Variants in HPSE observed in about 807,000 individuals in gnomAD.
HPSE encodes the protein heparanase, also known as endo-glucoronidase.
HPSE carries 48 observed loss-of-function variants against 65.1 expected under a neutral mutation model. The observed-to-expected ratio is 0.74, with a 90% CI of 0.58 to 0.94. The LOEUF (loss-of-function observed/expected upper bound fraction) is 0.94, where lower values mean the gene tolerates loss of function less well. Ranked by LOEUF, HPSE falls within the 40% of genes least tolerant of loss-of-function variation. HPSE has a pLI of 0.00. For missense variants in HPSE, 644 were observed against 637.5 expected (o/e 1.01, Z -0.11); for synonymous variants, 243 against 260.0 (o/e 0.93, Z 0.63).
chr4:83,330,124 A>C (rs1737307980), intron 1 of HPSE, among the ~76,000 whole-genome samples: 1 of 152,256 alleles, frequency 6.6e-6, no homozygotes, highest in South Asian at 2.1e-4. Context: ...ACAAGTCAAA[A>C]GGGACTTGAA....
intron 11 of HPSE, among the ~76,000 whole-genome samples, chr4:83,298,975 A>C (rs1338930675): frequency 1.3e-5 from 2 of 152,174 alleles, no homozygotes; most frequent in African/African-American, 2.4e-5. Context: ...AGAAGAGTGT[A>C]AGTAATATAT....
At chr4:83,309,719 G>A (rs1170186946) in intron 6 of HPSE, among the ~76,000 whole-genome samples, 1 of 152,076 alleles carries the variant, frequency 6.6e-6, no homozygotes, top group African/African-American at 2.4e-5. Flanking sequence ...AAAACACAGT[G>A]GCAAGTACAT....
In HPSE at chr4:83,324,113, C is replaced by CTTTTTTTTTTT. The variant is rs398051210; in HGVS notation, c.228-1760_228-1750dup. Among the ~76,000 whole-genome samples the CTTTTTTTTTTT allele has an allele frequency of 1.9e-3, 142 of 74,742 alleles. 1 individual carries two copies. The highest frequency in any genetic ancestry group is 2.4e-3 in the Non-Finnish European group (100 of 41,386). The allele number at this position is 74,742 out of a possible 152,430, so 49.0% of individuals were successfully genotyped here. On this transcript the variant is annotated intron_variant, in intron 1 of 11. Coordinates refer to ENST00000311412, the MANE Select transcript of HPSE (RefSeq NM_001098540.3). ...CTGATTGCCAATACTTCTTCTTCTT[C>CTTTTTTTTTTT]TTTTTTTTTTTTTTTTTTTTTTTTT...
In HPSE at chr4:83,300,955, C is replaced by T. The variant is rs549955123; in HGVS notation, c.1472+5G>A. On this transcript the variant is annotated splice_donor_5th_base_variant and intron_variant, in intron 11 of 11. Transcript: ENST00000311412. ...AGTTTGGAATGAACAAGGAAAATTA[C>T]TTACTTGGAAAGTAATCCATGAGGT... 1 of 1,559,732 alleles carries T rather than the reference C, an allele frequency of 6.4e-7. No individual in the cohort carries two copies. Among genetic ancestry groups the T allele is most frequent in the Admixed American group, 1.9e-5 (1 of 52,472 alleles).
intron 4 of HPSE, among the ~76,000 whole-genome samples, chr4:83,312,768 A>AG (rs1347925909): frequency 7.8e-6 from 1 of 128,660 alleles, no homozygotes; most frequent in South Asian, 2.8e-4. Context: ...GAGGCCGAGG[A>AG]GGGCAGATCA....
chr4:83,334,955 T>A, upstream of HPSE: 1 of 1,032,212 alleles, frequency 9.7e-7, no homozygotes, highest in South Asian at 1.8e-5. Context: ...TCTGCATCCC[T>A]CCCACTGCTC....
chr4:83,301,514 A>T (rs923067682), intron 10 of HPSE, among the ~76,000 whole-genome samples: 3 of 152,186 alleles, frequency 2.0e-5, no homozygotes, highest in African/African-American at 4.8e-5. Flanking sequence ...AGCCTTATAA[A>T]AAGACTGAAA....
At chr4:83,322,411 A>T (rs771915691) in intron 1 of HPSE, 47 bp from the exon 2 acceptor site, 6 of 1,508,996 alleles carry the variant, frequency 4.0e-6, no homozygotes, top group Middle Eastern at 3.4e-4. Context: ...TTCCAAGACA[A>T]TCTAGTCAAA....
chr4:83,293,766 T>C lies in HPSE; in HGVS notation c.*1578A>G, dbSNP rs1735628789. ...TCATTAACCATTTTTTATACTATCA[T>C]ATCTAACAATCTGTCCTCTCACATA... On this transcript the variant is annotated 3_prime_UTR_variant, in exon 12 of 12. Coordinates refer to ENST00000311412, the MANE Select transcript of HPSE (RefSeq NM_001098540.3). 1 of 152,242 alleles carries C rather than the reference T, an allele frequency of 6.6e-6. No individual in the cohort carries two copies. The highest frequency in any genetic ancestry group is 2.1e-4 in the South Asian group (1 of 4,838). The allele number at this position is 152,242 out of a possible 1,614,324, so 9.4% of individuals were successfully genotyped here.
At chr4:83,306,045 A>T (rs1736135515) in intron 9 of HPSE, among the ~76,000 whole-genome samples, 158 bp downstream of exon 9, 1 of 152,206 alleles carries the variant, frequency 6.6e-6, no homozygotes, top group African/African-American at 2.4e-5. Context: ...CACACAAAAA[A>T]ATGTTAGATT....
rs7669685 is a variant in HPSE, at chr4:83,294,279, A to C, written c.*1065T>G. On this transcript the variant is annotated 3_prime_UTR_variant, in exon 12 of 12. Transcript: ENST00000311412. ...GTTTCACCATGTTGGCCAGGCTGGT[A>C]TCAAATTCCTCACGTCAGGTGATCC... 140,341 of 152,298 alleles carry C rather than the reference A, an allele frequency of 0.92. 65,027 individuals carry two copies. The highest frequency in any genetic ancestry group is 0.99 in the East Asian group (5,149 of 5,184). The allele number at this position is 152,298 out of a possible 1,614,324, so 9.4% of individuals were successfully genotyped here.
intron 10 of HPSE, among the ~76,000 whole-genome samples, chr4:83,301,521 G>A (rs775025064): frequency 1.3e-5 from 2 of 152,122 alleles, no homozygotes; most frequent in African/African-American, 2.4e-5. Context: ...TAAAAAGACT[G>A]AAATGTATAA....
chr4:83,308,067 AG>A (rs1280705788), intron 8 of HPSE, among the ~76,000 whole-genome samples: 1 of 151,374 alleles, frequency 6.6e-6, no homozygotes, highest in Non-Finnish European at 1.5e-5. Context: ...TCCTCCTGAG[AG>A]ACAAAGCTGT....
chr4:83,334,700 G>C lies in HPSE; in HGVS notation c.83C>G (p.Ala28Gly). The C allele has an allele frequency of 1.3e-6, 2 of 1,569,630 alleles. No homozygotes were observed. Among genetic ancestry groups the C allele is most frequent in the Non-Finnish European group, 1.7e-6 (2 of 1,157,278 alleles). Residue 28 changes from alanine (A) to glycine (G), a missense_variant, in exon 1 of 12, where the codon GCC (alanine) becomes GGC (glycine). Transcript: ENST00000311412. ...LGPLGPLSPG[A>G]LPRPAQAQDV... ...CTGTGCTTGCGCAGGTCGGGGCAGGGCGCCAGGGGAGAGGGGACCCAGCGG... is the reference window on the plus strand; with the variant it reads ...CTGTGCTTGCGCAGGTCGGGGCAGGCCGCCAGGGGAGAGGGGACCCAGCGG...
At chr4:83,302,986 T>C (rs1483900641) in intron 9 of HPSE, among the ~76,000 whole-genome samples, 1 of 151,940 alleles carries the variant, frequency 6.6e-6, no homozygotes, top group East Asian at 1.9e-4. Context: ...AAATAACAGT[T>C]AAAAAAATCT....
rs1300325131 is a variant in HPSE at position 83,294,429 on chromosome 4, T to C, written c.*915A>G. The C allele has an allele frequency of 6.6e-6, 1 of 152,194 alleles. No homozygotes were observed. The highest frequency in any genetic ancestry group is 1.5e-5 in the Non-Finnish European group (1 of 68,064). 9.4% of individuals were successfully genotyped at this position (152,194 alleles called of 1,614,324 possible). Reference sequence around the variant, plus strand: ...CGCTGTCCCCACAGGTATTATAGTCTTTCGCTGACTAGCAACACTGCACAG... The same window carrying C: ...CGCTGTCCCCACAGGTATTATAGTCCTTCGCTGACTAGCAACACTGCACAG... On this transcript the variant is annotated 3_prime_UTR_variant, in exon 12 of 12. Transcript: ENST00000311412.
intron 9 of HPSE, among the ~76,000 whole-genome samples, chr4:83,304,400 A>G (rs1458587873): frequency 6.6e-6 from 1 of 152,196 alleles, no homozygotes; most frequent in Non-Finnish European, 1.5e-5. Flanking sequence ...AGTTGCCTTT[A>G]GCTCGAAATA....
At chr4:83,309,520 A>G (rs1420898269) in intron 6 of HPSE, 25 bp from the exon 7 acceptor site, 1 of 1,233,806 alleles carries the variant, frequency 8.1e-7, no homozygotes, top group East Asian at 2.4e-5. Context: ...AAATATTCAG[A>G]AAAAAAATAA....
chr4:83,313,107 T>C lies in HPSE; in HGVS notation c.673+7A>G. On this transcript the variant is annotated splice_region_variant and intron_variant, in intron 4 of 11. Transcript: ENST00000311412. ...CTTATTAATGAATTGTTCCCTGGGGTACTCACCATTGCCTAGTTCCCAAGA... is the reference window on the plus strand; with the variant it reads ...CTTATTAATGAATTGTTCCCTGGGGCACTCACCATTGCCTAGTTCCCAAGA... 1 of 1,571,304 alleles carries C rather than the reference T, an allele frequency of 6.4e-7. No individual in the cohort carries two copies. Among genetic ancestry groups the C allele is most frequent in the Non-Finnish European group, 8.7e-7 (1 of 1,143,714 alleles).
Sources: gnomAD v4.1 joint callset for allele counts (sites outside exome capture counted in the v4.1 genomes callset) on GRCh38, gnomAD v4.1.1 for gene constraint, MANE v1.5 for transcripts, NCBI Gene and HGNC (gene_info 2026-07-23, HGNC 2026-07-21) for gene names.